The following GALK2 variants were observed in gnomAD, a reference collection of about 807,000 sequenced individuals.
The protein encoded by GALK2 is N-acetylgalactosamine kinase.
A neutral mutation model predicts 52.4 loss-of-function variants in GALK2; 36 were observed. That is an observed-to-expected ratio of 0.69 (90% CI 0.53 to 0.91). The LOEUF (loss-of-function observed/expected upper bound fraction) is 0.91. Ranked by LOEUF, GALK2 falls within the 40% of genes least tolerant of loss-of-function variation. The probability of loss-of-function intolerance (pLI) is 0.00; values close to 1 mark genes in which losing one functional copy is unlikely to be tolerated. For missense variants in GALK2, 579 were observed against 559.1 expected (o/e 1.04, Z -0.36); for synonymous variants, 176 against 199.1 (o/e 0.88, Z 0.98).
chr15:49,251,548 T>G (rs1303196405), intron 5 of GALK2, among the ~76,000 whole-genome samples: 1 of 152,142 alleles, frequency 6.6e-6, no homozygotes. Flanking sequence ...TTAACAAAAT[T>G]TTAAATGTAT....
chr15:49,305,030 T>C (rs754165), intron 8 of GALK2, among the ~76,000 whole-genome samples: 100,105 of 152,022 alleles, frequency 0.66, 33,574 homozygotes, highest in African/African-American at 0.74. Flanking sequence ...GAAAACATCT[T>C]CTTCTGTTTA....
chr15:49,365,104 T>C (rs113149615), intron 3 of GALK2: 15 of 682,876 alleles, frequency 2.2e-5, no homozygotes, highest in African/African-American at 1.2e-4. Context: ...TGACACATTA[T>C]AGCAGTTCCA....
chr15:49,342,927 T>A (rs2040950270), intron 3 of GALK2, among the ~76,000 whole-genome samples: 1 of 152,172 alleles, frequency 6.6e-6, no homozygotes, highest in Admixed American at 6.5e-5. Context: ...TTATCTGGCC[T>A]TTTTCTCTAG....
At chr15:49,242,224 G>A (rs542552893) in intron 5 of GALK2, among the ~76,000 whole-genome samples, 69 of 152,250 alleles carry the variant, frequency 4.5e-4, no homozygotes, top group African/African-American at 1.6e-3. Context: ...TGACATGTTA[G>A]GTATAACTGA....
chr15:49,366,693 TGGGTGGC>T, intron 3 of GALK2: 1 of 1,443,038 alleles, frequency 6.9e-7, no homozygotes, highest in Non-Finnish European at 9.6e-7. Flanking sequence ...ATCGGACTGG[TGGGTGGC>T]GGGTGGGGTG....
At chr15:49,187,937 C>G (rs773235477) in intron 1 of GALK2, among the ~76,000 whole-genome samples, 14 of 152,062 alleles carry the variant, frequency 9.2e-5, no homozygotes, top group Non-Finnish European at 1.8e-4. Context: ...ATCACAGTAA[C>G]CAGGCTGGTA....
intron 5 of GALK2, among the ~76,000 whole-genome samples, chr15:49,270,771 A>G (rs1017790427): frequency 6.6e-6 from 1 of 152,200 alleles, no homozygotes; most frequent in Admixed American, 6.5e-5. Flanking sequence ...TTTCGTTTGC[A>G]TCTATATCTG....
chr15:49,236,928 A>G (rs2090841602), intron 4 of GALK2, among the ~76,000 whole-genome samples: 1 of 152,218 alleles, frequency 6.6e-6, no homozygotes, highest in Admixed American at 6.5e-5. Context: ...CTTAAAGTTA[A>G]TGAATTCATT....
chr15:49,284,641 A>T (rs1381414324), intron 7 of GALK2, among the ~76,000 whole-genome samples: 1 of 152,192 alleles, frequency 6.6e-6, no homozygotes, highest in African/African-American at 2.4e-5. Context: ...TCTTAAATAC[A>T]GCCTGAAATC....
chr15:49,246,243 C>G (rs1045625494), intron 5 of GALK2, among the ~76,000 whole-genome samples: 1 of 152,144 alleles, frequency 6.6e-6, no homozygotes, highest in Non-Finnish European at 1.5e-5. Context: ...GAAGAAAGGA[C>G]CAAGTGCCTC....
chr15:49,159,153 G>C (rs1466935533), intron 1 of GALK2, among the ~76,000 whole-genome samples: 1 of 152,156 alleles, frequency 6.6e-6, no homozygotes, highest in Non-Finnish European at 1.5e-5. Flanking sequence ...TAGTGGCTGT[G>C]TAATAATCCC....
rs768327888 is a variant in GALK2 at position 49,239,321 on chromosome 15, G to T, written c.458G>T (p.Cys153Phe). The change falls in exon 5 of 10, where the codon TGT becomes TTT. Residue 153 changes from cysteine to phenylalanine, a missense_variant. Physicochemically the swap from Cys to Phe is radical, Grantham distance 205. Coordinates refer to ENST00000560031, the MANE Select transcript of GALK2 (RefSeq NM_002044.4). ...TCCAGCTCCAGTGCTTTGGTCTGTT[G>T]TGCTGGCTTGGTGACGCTCACAGTG... ...GLSSSSALVC[C>F]AGLVTLTVLG... 1.9e-6 allele frequency: 3 copies of T among 1,614,132 alleles called. No individual in the cohort carries two copies. In the Admixed American group the frequency reaches 5.0e-5, roughly 27 times the overall value.
intron 5 of GALK2, among the ~76,000 whole-genome samples, chr15:49,267,226 G>A (rs2092392067): frequency 6.6e-6 from 1 of 152,164 alleles, no homozygotes; most frequent in South Asian, 2.1e-4. Flanking sequence ...CCAGTGAATG[G>A]GAAATTAAAC....
intron 3 of GALK2, chr15:49,343,578 G>T (rs747942946): frequency 5.3e-5 from 8 of 152,190 alleles, no homozygotes; most frequent in Non-Finnish European, 1.0e-4. Context: ...ATCCCAGGAA[G>T]TTTCTTCCCA....
At chr15:49,192,871 A>C (rs1407258489) in intron 1 of GALK2, among the ~76,000 whole-genome samples, 1 of 152,116 alleles carries the variant, frequency 6.6e-6, no homozygotes, top group Admixed American at 6.5e-5. Flanking sequence ...GCTAGTCTCT[A>C]ACTCCTGGCC....
intron 8 of GALK2, among the ~76,000 whole-genome samples, chr15:49,306,091 C>T (rs780140769): frequency 5.3e-5 from 8 of 152,006 alleles, no homozygotes; most frequent in African/African-American, 1.2e-4. Flanking sequence ...ATAGGAAGTT[C>T]GGAGAAGGGC....
intron 3 of GALK2, among the ~76,000 whole-genome samples, chr15:49,222,018 A>T (rs2089831464): frequency 6.6e-6 from 1 of 152,018 alleles, no homozygotes; most frequent in South Asian, 2.1e-4. Flanking sequence ...AACAATATTA[A>T]TTTTTTCCAA....
At chr15:49,187,196 A>C (rs1203663118) in intron 1 of GALK2, among the ~76,000 whole-genome samples, 2 of 152,188 alleles carry the variant, frequency 1.3e-5, no homozygotes, top group Non-Finnish European at 2.9e-5. Flanking sequence ...CTTCTTGTAG[A>C]GGTACTGCCT....
intron 5 of GALK2, among the ~76,000 whole-genome samples, chr15:49,264,433 G>C (rs1423735293): frequency 1.3e-5 from 2 of 152,036 alleles, no homozygotes; most frequent in African/African-American, 2.4e-5. Flanking sequence ...GCTCCTTTAA[G>C]CGCTTCTCTG....
Sources: allele counts gnomAD v4.1 joint callset (sites outside exome capture counted in the v4.1 genomes callset), GRCh38; gene constraint gnomAD v4.1.1; transcripts MANE v1.5; gene names NCBI Gene and HGNC (gene_info 2026-07-23, HGNC 2026-07-21).